CNTN5: variants seen among roughly 807,000 people sequenced by gnomAD.
CNTN5 encodes the protein contactin-5.
A neutral mutation model predicts 129.1 loss-of-function variants in CNTN5; 77 were observed. The ratio of observed to expected loss-of-function variants is 0.60; its 90% CI spans 0.50 to 0.72. CNTN5 has a LOEUF of 0.72. CNTN5 is among the 30% of genes least tolerant of loss of function. The probability of loss-of-function intolerance (pLI) is 0.00; values close to 1 mark genes in which losing one functional copy is unlikely to be tolerated. For synonymous variants in CNTN5, 509 were observed against 465.6 expected, an observed-to-expected ratio of 1.09 and a Z score of -1.20; for missense variants, 1,478 against 1,328.8, an observed-to-expected ratio of 1.11 and a Z score of -1.75.
At chr11:99,307,524 G>A (rs1488755178) in intron 1 of CNTN5, among the ~76,000 whole-genome samples, 1 of 152,018 alleles carries the variant, frequency 6.6e-6, no homozygotes, top group Non-Finnish European at 1.5e-5. Context: ...TTATACTTCT[G>A]TCGTTTATCA....
intron 13 of CNTN5, among the ~76,000 whole-genome samples, chr11:100,184,481 C>T (rs555933065): frequency 1.3e-5 from 2 of 152,280 alleles, no homozygotes; most frequent in Non-Finnish European, 2.9e-5. Context: ...CCAAGGAATG[C>T]AAGTGGCTTC....
chr11:99,527,531 T>C (rs1258821759), intron 2 of CNTN5, among the ~76,000 whole-genome samples: 2 of 152,110 alleles, frequency 1.3e-5, no homozygotes, highest in Non-Finnish European at 2.9e-5. Context: ...AGACTTCCAG[T>C]ATGAATATGG....
At chr11:99,266,006 A>G in intron 1 of CNTN5, among the ~76,000 whole-genome samples, 1 of 152,106 alleles carries the variant, frequency 6.6e-6, no homozygotes, top group Non-Finnish European at 1.5e-5. Context: ...ATACAAATGT[A>G]CAAGATATAG....
chr11:99,948,104 T>C (rs1250656034), intron 7 of CNTN5, among the ~76,000 whole-genome samples: 2 of 152,214 alleles, frequency 1.3e-5, no homozygotes, highest in Non-Finnish European at 2.9e-5. Flanking sequence ...ATTAAACCTT[T>C]CTACGCATCA....
chr11:100,275,554 T>TTTTTTTTTTGAGACG (rs1950492485), intron 18 of CNTN5, among the ~76,000 whole-genome samples: 1 of 152,252 alleles, frequency 6.6e-6, no homozygotes, highest in Non-Finnish European at 1.5e-5. Context: ...TTTTATGGTA[T>TTTTTTTTTTGAGACG]GAATCTCCTT....
At chr11:99,735,149 C>A (rs899039843) in intron 3 of CNTN5, among the ~76,000 whole-genome samples, 1 of 152,184 alleles carries the variant, frequency 6.6e-6, no homozygotes, top group Non-Finnish European at 1.5e-5. Flanking sequence ...TTGTAAGATC[C>A]TGTCCTTATG....
At chr11:99,828,216 A>G (rs1947028814) in intron 4 of CNTN5, among the ~76,000 whole-genome samples, 1 of 152,208 alleles carries the variant, frequency 6.6e-6, no homozygotes, top group Non-Finnish European at 1.5e-5. Context: ...ATTTGTGAAA[A>G]AAAACTTTAT....
At chr11:100,007,460 T>G (rs1439498568) in intron 9 of CNTN5, among the ~76,000 whole-genome samples, 1 of 152,110 alleles carries the variant, frequency 6.6e-6, no homozygotes, top group Non-Finnish European at 1.5e-5. Flanking sequence ...ATAGATTTTC[T>G]GAATAACTAG....
At chr11:99,578,436 G>T (rs1312140197) in intron 3 of CNTN5, among the ~76,000 whole-genome samples, 2 of 147,078 alleles carry the variant, frequency 1.4e-5, no homozygotes, top group East Asian at 2.0e-4. Context: ...CTAGTTTACA[G>T]TCCCACCAAC....
intron 1 of CNTN5, among the ~76,000 whole-genome samples, chr11:99,043,717 A>T (rs1211911393): frequency 6.6e-6 from 1 of 152,174 alleles, no homozygotes. Context: ...TTTTCTACTC[A>T]TACCACTCTG....
chr11:99,819,835 A>C, intron 4 of CNTN5, 70 bp downstream of exon 4: 7 of 482,072 alleles, frequency 1.5e-5, no homozygotes, highest in Non-Finnish European at 2.0e-5. Context: ...ATACTGTTGC[A>C]ACAGAGATCA....
chr11:100,192,545 T>C (rs1475570378), intron 14 of CNTN5, among the ~76,000 whole-genome samples: 2 of 151,962 alleles, frequency 1.3e-5, no homozygotes, highest in Non-Finnish European at 2.9e-5. Flanking sequence ...AGACCTAGAA[T>C]AGGAAATTTA....
At chr11:99,202,009 A>G (rs1000808633) in intron 1 of CNTN5, among the ~76,000 whole-genome samples, 1 of 152,336 alleles carries the variant, frequency 6.6e-6, no homozygotes, top group East Asian at 1.9e-4. Context: ...CAAATATGTC[A>G]TTCGTATTTA....
intron 6 of CNTN5, among the ~76,000 whole-genome samples, chr11:99,879,880 A>C (rs113365074): frequency 0.022 from 3,364 of 152,210 alleles, 72 homozygotes; most frequent in Middle Eastern, 0.037. Context: ...GTCCTTAACA[A>C]CTCCATAGTC....
rs149602216 is a variant in CNTN5 at position 99,602,496 on chromosome 11, C to A, written c.55+46227C>A. 2.9e-3 allele frequency among the ~76,000 whole-genome samples: 437 copies of A among 152,140 alleles called. 2 individuals carry two copies. Among genetic ancestry groups the A allele is most frequent in the African/African-American group, 9.8e-3 (406 of 41,506 alleles). On this transcript the variant is annotated intron_variant, in intron 3 of 24. Coordinates refer to ENST00000524871, the MANE Select transcript of CNTN5 (RefSeq NM_014361.4). ...TTCATTGACAATTGTATTGATCAGG[C>A]ACATTTCTGGCTACTTCAATTGAGA... is the stretch of plus-strand genomic sequence containing the variant.
chr11:100,336,774 G>T, intron 21 of CNTN5: 1 of 308,446 alleles, frequency 3.2e-6, no homozygotes, highest in Non-Finnish European at 6.1e-6. Context: ...AGAGCGGTAC[G>T]GCAGCCTCCG....
intron 3 of CNTN5, among the ~76,000 whole-genome samples, chr11:99,620,880 A>G (rs1950926582): frequency 6.6e-6 from 1 of 152,182 alleles, no homozygotes; most frequent in African/African-American, 2.4e-5. Flanking sequence ...AGAGACAGAA[A>G]AATAAAAACT....
At chr11:99,078,709 G>A (rs929319162) in intron 1 of CNTN5, among the ~76,000 whole-genome samples, 2 of 152,114 alleles carry the variant, frequency 1.3e-5, no homozygotes, top group African/African-American at 4.8e-5. Context: ...AACTACATAT[G>A]TTCTTACTCA....
At chr11:100,346,272 C>A (rs2139027074) in intron 23 of CNTN5, among the ~76,000 whole-genome samples, 1 of 152,220 alleles carries the variant, frequency 6.6e-6, no homozygotes, top group South Asian at 2.1e-4. Flanking sequence ...CTCACCATTA[C>A]TGGTGTTACT....
Sources: gnomAD v4.1 joint callset for allele counts (sites outside exome capture counted in the v4.1 genomes callset) on GRCh38, gnomAD v4.1.1 for gene constraint, MANE v1.5 for transcripts, NCBI Gene and HGNC (gene_info 2026-07-23, HGNC 2026-07-21) for gene names.